The following GABBR2 variants were observed in gnomAD, a reference collection of about 807,000 sequenced individuals.
GABBR2 encodes the protein gamma-aminobutyric acid type B receptor subunit 2.
Under a neutral mutation model 105.6 loss-of-function variants are expected in GABBR2, and 23 were observed. That is an observed-to-expected ratio of 0.22 (90% confidence interval 0.16 to 0.31). The LOEUF (loss-of-function observed/expected upper bound fraction) is 0.31. Ranked by LOEUF, GABBR2 falls within the 10% of genes least tolerant of loss-of-function variation. GABBR2 has a pLI of 1.00. For missense variants in GABBR2, 734 were observed against 1,245.5 expected (o/e 0.59, Z 6.18); for synonymous variants, 478 against 499.7 (o/e 0.96, Z 0.58).
At chr9:98,393,342 A>ACCATCCATCCATCCATCCAT (rs921463721) in intron 9 of GABBR2, among the ~76,000 whole-genome samples, 2,163 of 104,502 alleles carry the variant, frequency 0.021, 85 homozygotes, top group East Asian at 0.11. Flanking sequence ...CATCCACCCA[A>ACCATCCATCCATCCATCCAT]CCATCCATCC....
At chr9:98,389,705 C>A (rs1046969100) in intron 9 of GABBR2, among the ~76,000 whole-genome samples, 69 of 152,282 alleles carry the variant, frequency 4.5e-4, no homozygotes, top group African/African-American at 1.6e-3. Context: ...CTCGGGGGAA[C>A]CCTGAGGGTT....
chr9:98,365,927 G>T (rs1831668558), intron 12 of GABBR2, among the ~76,000 whole-genome samples: 1 of 152,262 alleles, frequency 6.6e-6, no homozygotes, highest in Middle Eastern at 3.4e-3. Flanking sequence ...CTTAAATGCT[G>T]CCTGAACTTC....
chr9:98,464,288 G>A (rs867559779), intron 6 of GABBR2, among the ~76,000 whole-genome samples: 8 of 148,754 alleles, frequency 5.4e-5, no homozygotes, highest in Non-Finnish European at 8.9e-5. Context: ...CGGCCGCCCC[G>A]TCTGGGAGGA....
In GABBR2 at chr9:98,293,936, G is replaced by A. The variant is rs780135343; in HGVS notation, c.2543-34C>T. The A allele has an allele frequency of 2.4e-5, 30 of 1,244,434 alleles. No individual in the cohort carries two copies. In the Admixed American group the frequency reaches 2.4e-4, roughly 10 times the overall value. The allele number at this position is 1,244,434 out of a possible 1,614,324, so 77.1% of individuals were successfully genotyped here. A position where few individuals can be genotyped will look rare whatever the true frequency, so the allele number is the denominator to read the frequency against. Reference sequence around the variant, plus strand: ...AAAACAACAATACCACAACATGTTCGGTTAACTTAGTTTTTAAAAATCAAC... The same window carrying A: ...AAAACAACAATACCACAACATGTTCAGTTAACTTAGTTTTTAAAAATCAAC... On this transcript the variant is annotated intron_variant, in intron 17 of 18. Transcript: ENST00000259455.
At chr9:98,330,511 GT>G (rs1464229900) in intron 13 of GABBR2, among the ~76,000 whole-genome samples, 2 of 152,302 alleles carry the variant, frequency 1.3e-5, no homozygotes, top group African/African-American at 2.4e-5. Flanking sequence ...GTTTATGCCA[GT>G]TTGAGTTACT....
intron 1 of GABBR2, among the ~76,000 whole-genome samples, chr9:98,648,085 G>GTATA (rs201739707): frequency 8.0e-4 from 55 of 68,734 alleles, no homozygotes; most frequent in African/African-American, 2.9e-3. Context: ...TACAGGGTGT[G>GTATA]TGTGTGTGTG....
chr9:98,443,815 T>C (rs1826074620), intron 7 of GABBR2, among the ~76,000 whole-genome samples: 1 of 152,168 alleles, frequency 6.6e-6, no homozygotes, highest in South Asian at 2.1e-4. Flanking sequence ...GGGGAACCGT[T>C]ACATCCTTCA....
Position 98,637,369 on chromosome 9 carries a change from A to G in GABBR2, c.322-59297T>C, listed in dbSNP as rs373207630. 1.2e-3 allele frequency among the ~76,000 whole-genome samples: 178 copies of G among 152,338 alleles called. 3 individuals carry two copies. In the South Asian group the frequency reaches 0.035, roughly 30 times the overall value. ...CTAAGAGAAAGGAGAGAATAATGGCATTAATAAAAATTATTTATTGAATGC... is the reference window on the plus strand; with the variant it reads ...CTAAGAGAAAGGAGAGAATAATGGCGTTAATAAAAATTATTTATTGAATGC... On this transcript the variant is annotated intron_variant, in intron 1 of 18. Transcript: ENST00000259455.
intron 13 of GABBR2, among the ~76,000 whole-genome samples, chr9:98,333,379 T>C (rs555365796): frequency 7.0e-4 from 106 of 152,270 alleles, no homozygotes; most frequent in Middle Eastern, 3.4e-3. Flanking sequence ...AATTAATCCT[T>C]GCACAGTTCT....
intron 18 of GABBR2, 41 bp downstream of exon 18, chr9:98,293,744 A>C: frequency 9.1e-7 from 1 of 1,094,226 alleles, no homozygotes; most frequent in Non-Finnish European, 1.4e-6. Flanking sequence ...GGAGTGACGT[A>C]TTTCTTCTTC....
chr9:98,398,927 G>A (rs1432182999), intron 8 of GABBR2, among the ~76,000 whole-genome samples: 2 of 152,228 alleles, frequency 1.3e-5, no homozygotes, highest in Admixed American at 6.5e-5. Context: ...AGGGGTAGAT[G>A]TGTCCATCGA....
chr9:98,336,340 G>C (rs566400805), intron 13 of GABBR2, among the ~76,000 whole-genome samples: 1 of 152,304 alleles, frequency 6.6e-6, no homozygotes, highest in South Asian at 2.1e-4. Context: ...CCTGTAGCAA[G>C]GTAAGAAGTG....
At chr9:98,639,631 C>CT in intron 1 of GABBR2, among the ~76,000 whole-genome samples, 2 of 152,236 alleles carry the variant, frequency 1.3e-5, no homozygotes, top group Middle Eastern at 6.8e-3. Flanking sequence ...ACAAGACCCA[C>CT]TTACAATGGT....
chr9:98,563,877 G>A (rs2131765048), intron 2 of GABBR2, among the ~76,000 whole-genome samples: 1 of 152,224 alleles, frequency 6.6e-6, no homozygotes, highest in East Asian at 1.9e-4. Flanking sequence ...AACTAATGTA[G>A]ACTATGCTCT....
intron 8 of GABBR2, among the ~76,000 whole-genome samples, chr9:98,404,680 A>G (rs1196506126): frequency 1.3e-5 from 2 of 152,098 alleles, no homozygotes; most frequent in Non-Finnish European, 2.9e-5. Flanking sequence ...CTGTTCCTCA[A>G]GGATGCTCCT....
intron 7 of GABBR2, among the ~76,000 whole-genome samples, chr9:98,413,358 C>G (rs1200388883): frequency 6.6e-6 from 1 of 152,116 alleles, no homozygotes; most frequent in Non-Finnish European, 1.5e-5. Flanking sequence ...AAGGTGCCCT[C>G]TGTTTCCACA....
chr9:98,337,074 A>G (rs4743200), intron 13 of GABBR2, among the ~76,000 whole-genome samples: 67,281 of 151,834 alleles, frequency 0.44, 15,023 homozygotes, highest in African/African-American at 0.47. Context: ...GGAGGCCAAG[A>G]CAGGTGGATT....
At chr9:98,674,783 A>G (rs1334909837) in intron 1 of GABBR2, among the ~76,000 whole-genome samples, 1 of 152,182 alleles carries the variant, frequency 6.6e-6, no homozygotes, top group Non-Finnish European at 1.5e-5. Flanking sequence ...ACAGGGCTCA[A>G]GGAGGATAAG....
intron 14 of GABBR2, among the ~76,000 whole-genome samples, chr9:98,310,449 C>T (rs1339423339): frequency 2.6e-5 from 4 of 152,132 alleles, no homozygotes; most frequent in Non-Finnish European, 5.9e-5. Context: ...GGTTTTGCCA[C>T]GTTGGTCAGG....
Sources: allele counts gnomAD v4.1 joint callset (sites outside exome capture counted in the v4.1 genomes callset), GRCh38; gene constraint gnomAD v4.1.1; transcripts MANE v1.5; gene names NCBI Gene and HGNC (gene_info 2026-07-23, HGNC 2026-07-21).